The following GNL3L variants were observed in gnomAD, a reference collection of about 807,000 sequenced individuals.
The protein encoded by GNL3L is guanine nucleotide-binding protein-like 3-like protein.
Under a neutral mutation model 42.9 loss-of-function variants are expected in GNL3L, and 4 were observed. That is an observed-to-expected ratio of 0.09 (90% CI 0.05 to 0.21). GNL3L has a LOEUF of 0.21. GNL3L is among the 10% of genes least tolerant of loss of function. The pLI, the probability that GNL3L is intolerant of heterozygous loss-of-function variation, is 1.00. For synonymous variants in GNL3L, 159 were observed against 176.3 expected, an observed-to-expected ratio of 0.90 and a Z score of 0.78; for missense variants, 412 against 481.7, an observed-to-expected ratio of 0.86 and a Z score of 1.36.
intron 10 of GNL3L, among the ~76,000 whole-genome samples, 180 bp downstream of exon 10, chrX:54,551,230 C>G (rs998642440): frequency 1.8e-5 from 2 of 112,608 alleles, no homozygotes; most frequent in Admixed American, 9.4e-5. Flanking sequence ...GCCAGGTCCC[C>G]ACATGGGTGG....
chrX:54,573,918 G>A (rs917973242), intron 16 of GNL3L, among the ~76,000 whole-genome samples: 68 of 105,703 alleles, frequency 6.4e-4, no homozygotes, highest in African/African-American at 2.3e-3. Flanking sequence ...GAATTTTGCC[G>A]TTTTCATTGC....
chrX:54,576,875 C>T (rs914024785), intron 16 of GNL3L, among the ~76,000 whole-genome samples: 2 of 111,257 alleles, frequency 1.8e-5, no homozygotes, highest in Non-Finnish European at 3.8e-5. Context: ...TTTTAAATCC[C>T]GCCTTCTTTT....
chrX:54,614,090 G>T (rs151240250), intron 16 of GNL3L, among the ~76,000 whole-genome samples: 1 of 110,375 alleles, frequency 9.1e-6, no homozygotes, highest in Non-Finnish European at 1.9e-5. Context: ...CCTTGGGTGG[G>T]CCTTGCTGTG....
At chrX:54,572,864 G>A (rs1412290360) in intron 16 of GNL3L, among the ~76,000 whole-genome samples, 2 of 106,224 alleles carry the variant, frequency 1.9e-5, no homozygotes, top group Non-Finnish European at 4.0e-5. Context: ...TCACCTCCCA[G>A]ACGGGGTCGC....
intron 9 of GNL3L, among the ~76,000 whole-genome samples, chrX:54,550,136 T>A (rs1256813733): frequency 1.9e-5 from 2 of 105,267 alleles, no homozygotes; most frequent in Non-Finnish European, 3.9e-5. Context: ...AAAGATAAGA[T>A]AGAGAAAGAG....
chrX:54,615,858 C>T (rs1487731117), intron 16 of GNL3L, among the ~76,000 whole-genome samples: 1 of 111,644 alleles, frequency 9.0e-6, no homozygotes, highest in Non-Finnish European at 1.9e-5. Flanking sequence ...GCGCCCACCA[C>T]CACTCCCAGA....
At chrX:54,575,243 T>G (rs1189195500) in intron 16 of GNL3L, among the ~76,000 whole-genome samples, 1 of 112,622 alleles carries the variant, frequency 8.9e-6, no homozygotes, top group East Asian at 2.8e-4. Flanking sequence ...GTGAAATAGA[T>G]GAGTTTGTTC....
chrX:54,609,939 A>C (rs1168584091), intron 16 of GNL3L, among the ~76,000 whole-genome samples: 1 of 111,763 alleles, frequency 8.9e-6, no homozygotes, highest in African/African-American at 3.3e-5. Context: ...TGCTTTTGGC[A>C]GTATGGTCAT....
chrX:54,554,611 A>C lies in GNL3L; in HGVS notation c.1365A>C (p.Pro455=). 1 of 1,203,868 alleles carries C rather than the reference A, an allele frequency of 8.3e-7. No individual in the cohort carries two copies. Among genetic ancestry groups the C allele is most frequent in the South Asian group, 1.8e-5 (1 of 56,716 alleles). ...ESDELLGDTD[P]LEMEIKLLHS... ...ATGAGCTGTTGGGTGACACGGACCCACTTGAAATGGAGATCAAGTTGCTCC... is the reference window on the plus strand; with the variant it reads ...ATGAGCTGTTGGGTGACACGGACCCCCTTGAAATGGAGATCAAGTTGCTCC... Residue 455 remains proline, a synonymous_variant, in exon 14 of 16, where the codon CCA becomes CCC. Coordinates refer to ENST00000360845, the MANE Select transcript of GNL3L (RefSeq NM_001184819.2).
the GNL3L span, among the ~76,000 whole-genome samples, chrX:54,638,902 A>T: frequency 1.8e-5 from 2 of 111,764 alleles, no homozygotes; most frequent in Non-Finnish European, 3.8e-5. Flanking sequence ...TAAGGTTCTT[A>T]AAGTGTGGTC....
chrX:54,560,529 C>T lies in GNL3L; in HGVS notation c.1676C>T (p.Ala559Val). The T allele has an allele frequency of 1.7e-6, 2 of 1,167,228 alleles. No homozygotes were observed. Among genetic ancestry groups the T allele is most frequent in the South Asian group, 3.6e-5 (2 of 55,842 alleles). ...ATTTCTCCATTTGCAGATAAAATCG[C>T]CAGCAAGCTGTCTGATTCCATGATG... ...KKMQKRADKI[A>V]SKLSDSMMSA... Residue 559 changes from alanine (A) to valine (V), a missense_variant, in exon 16 of 16, where the codon GCC becomes GTC. By Grantham distance (64) the Ala-to-Val change is moderately conservative. Coordinates refer to ENST00000360845, the MANE Select transcript of GNL3L (RefSeq NM_001184819.2).
intron 8 of GNL3L, among the ~76,000 whole-genome samples, chrX:54,546,924 G>A (rs767494166): frequency 1.3e-4 from 14 of 109,965 alleles, no homozygotes; most frequent in Non-Finnish European, 2.7e-4. Flanking sequence ...GGGATTACAG[G>A]TTTGAGCCAC....
Position 54,567,150 on chromosome X carries a change from C to G in GNL3L, c.*6548C>G, listed in dbSNP as rs1474685696. Among the ~76,000 whole-genome samples the G allele has an allele frequency of 9.0e-6, 1 of 111,559 alleles. No individual in the cohort carries two copies. Among genetic ancestry groups the G allele is most frequent in the East Asian group, 2.8e-4 (1 of 3,566 alleles). On this transcript the variant is annotated 3_prime_UTR_variant, in exon 16 of 16. Transcript: ENST00000360845. ...ATGCTTTTTAAAAAAATATGGTTAC[C>G]CAATTTTTCTAGCAGTATGTGCTAA...
chrX:54,549,232 T>C (rs1339094896), intron 9 of GNL3L, among the ~76,000 whole-genome samples: 1 of 111,395 alleles, frequency 9.0e-6, no homozygotes, highest in Non-Finnish European at 1.9e-5. Context: ...CACATACACA[T>C]AGCTCTTAAG....
chrX:54,550,375 T>C (rs1194368578), intron 9 of GNL3L, among the ~76,000 whole-genome samples: 1 of 110,872 alleles, frequency 9.0e-6, no homozygotes, highest in African/African-American at 3.3e-5. Flanking sequence ...GGCAATCAGC[T>C]TTCTCGGGTT....
At chrX:54,637,477 GCACA>G in the GNL3L span, among the ~76,000 whole-genome samples, 251 of 110,642 alleles carry the variant, frequency 2.3e-3, 1 homozygote, top group Non-Finnish European at 3.2e-3. Flanking sequence ...ACATGTGCAT[GCACA>G]CACACACACA....
At chrX:54,579,987 T>TTTTTTG (rs1925687042) in intron 16 of GNL3L, among the ~76,000 whole-genome samples, 1 of 56,959 alleles carries the variant, frequency 1.8e-5, no homozygotes, top group African/African-American at 1.3e-4. Context: ...CTAAAGTTTG[T>TTTTTTG]TTTTTTTTTT....
chrX:54,576,323 G>A (rs1925634069), intron 16 of GNL3L, among the ~76,000 whole-genome samples: 1 of 111,282 alleles, frequency 9.0e-6, no homozygotes, highest in East Asian at 2.8e-4. Flanking sequence ...TTTCACGTTA[G>A]TAAAACCATT....
At position 54,552,527 on chromosome X, in the gene GNL3L, A is replaced by G. The variant is rs780009924; in HGVS notation, c.1318+99A>G. On this transcript the variant is annotated intron_variant, in intron 13 of 15. Transcript: ENST00000360845. ...TTTGACCTCCCGCTTCCTTGGCCCT[A>G]CTTGGGCTTTGGGCAAGTTGCTTAA... The G allele has an allele frequency of 1.7e-5, 14 of 826,366 alleles. No homozygotes were observed. The East Asian group carries it at 3.7e-4, about 22-fold the overall frequency. 68.1% of individuals were successfully genotyped at this position (826,366 alleles called of 1,213,427 possible).
Sources: gnomAD v4.1 joint callset for allele counts (sites outside exome capture counted in the v4.1 genomes callset) on GRCh38, gnomAD v4.1.1 for gene constraint, MANE v1.5 for transcripts, NCBI Gene and HGNC (gene_info 2026-07-23, HGNC 2026-07-21) for gene names.